Variants in CRPPA observed in about 807,000 individuals in gnomAD.
CRPPA encodes CDP-L-ribitol pyrophosphorylase A.
CRPPA carries 43 observed loss-of-function variants against 52.0 expected under a neutral mutation model. The observed-to-expected ratio is 0.83, with a 90% confidence interval of 0.65 to 1.07. CRPPA has a LOEUF of 1.07. Ranked by LOEUF, CRPPA falls within the 50% of genes least tolerant of loss-of-function variation. CRPPA has a pLI of 0.00. For synonymous variants in CRPPA, 250 were observed against 203.5 expected (o/e 1.23, Z -1.94); for missense variants, 629 against 551.7 (o/e 1.14, Z -1.40).
chr7:16,095,986 G>C (rs1781928155), intron 9 of CRPPA, among the ~76,000 whole-genome samples: 1 of 152,112 alleles, frequency 6.6e-6, no homozygotes, highest in African/African-American at 2.4e-5. Flanking sequence ...GGTTAAATCT[G>C]AGTCCAGCTA....
chr7:16,309,460 A>C (rs2128424907), intron 3 of CRPPA, among the ~76,000 whole-genome samples: 1 of 152,316 alleles, frequency 6.6e-6, no homozygotes, highest in South Asian at 2.1e-4. Flanking sequence ...TAAAACACTT[A>C]ATTCTATGTG....
At chr7:16,330,623 C>T (rs772326491) in intron 3 of CRPPA, among the ~76,000 whole-genome samples, 8 of 152,208 alleles carry the variant, frequency 5.3e-5, no homozygotes, top group Non-Finnish European at 1.0e-4. Context: ...AAAACCCAGT[C>T]ACAGAGGAGG....
chr7:16,306,811 T>C (rs1784922689), intron 4 of CRPPA, among the ~76,000 whole-genome samples: 2 of 152,130 alleles, frequency 1.3e-5, no homozygotes, highest in African/African-American at 2.4e-5. Flanking sequence ...ATGAATAAAA[T>C]GTTTGCCTGC....
chr7:16,279,269 G>A (rs1784269938), intron 5 of CRPPA, among the ~76,000 whole-genome samples: 1 of 152,076 alleles, frequency 6.6e-6, no homozygotes, highest in African/African-American at 2.4e-5. Flanking sequence ...CAAAGCTAGG[G>A]AGAATAGGTT....
At chr7:16,240,639 C>T (rs1313613620) in intron 8 of CRPPA, among the ~76,000 whole-genome samples, 1 of 151,466 alleles carries the variant, frequency 6.6e-6, no homozygotes, top group Non-Finnish European at 1.5e-5. Flanking sequence ...TGTAAACTAT[C>T]AGGGACCTGA....
chr7:16,387,157 A>G (rs1479576966), intron 2 of CRPPA, among the ~76,000 whole-genome samples: 2 of 148,646 alleles, frequency 1.3e-5, no homozygotes, highest in Non-Finnish European at 3.0e-5. Flanking sequence ...ATAGCAAAAT[A>G]TAAACTAATA....
intron 9 of CRPPA, among the ~76,000 whole-genome samples, chr7:16,186,348 G>T (rs950332868): frequency 3.3e-5 from 5 of 152,102 alleles, no homozygotes; most frequent in African/African-American, 1.2e-4. Context: ...CTTGTAAGAG[G>T]CTAGAGAGCT....
chr7:16,114,161 G>T (rs1782321804), intron 9 of CRPPA, among the ~76,000 whole-genome samples: 1 of 151,656 alleles, frequency 6.6e-6, no homozygotes, highest in Non-Finnish European at 1.5e-5. Context: ...ATAAAAATAG[G>T]ATGTGAAACT....
chr7:16,365,067 A>G (rs1445893417), intron 3 of CRPPA, among the ~76,000 whole-genome samples: 1 of 152,158 alleles, frequency 6.6e-6, no homozygotes, highest in Non-Finnish European at 1.5e-5. Context: ...CCTCCACCAG[A>G]GTGACTAACT....
chr7:16,373,584 A>T (rs2128311565), intron 3 of CRPPA, among the ~76,000 whole-genome samples: 1 of 152,302 alleles, frequency 6.6e-6, no homozygotes. Context: ...CTGGGGAGAG[A>T]TGAAAAACAG....
chr7:16,278,172 T>A lies in CRPPA; in HGVS notation c.890A>T (p.His297Leu). 3 of 1,581,072 alleles carry A rather than the reference T, an allele frequency of 1.9e-6. No homozygotes were observed. Among genetic ancestry groups the A allele is most frequent in the Non-Finnish European group, 2.6e-6 (3 of 1,156,232 alleles). The stretch of plus-strand genomic sequence containing the variant: ...CACTTCTTCAAGAAGATGACCTACA[T>A]GTTTGTTATCTTCTTCTGTATCCAT... The part of the protein sequence containing the change: ...VVMDTEEDNK[H>L]VGHLLEEVLK... Residue 297 changes from histidine to leucine, a missense_variant, in exon 6 of 10, where the codon CAT (histidine) becomes CTT (leucine). His to Leu is a moderately conservative substitution (Grantham distance 99). Coordinates refer to ENST00000407010, the MANE Select transcript of CRPPA (RefSeq NM_001101426.4).
At chr7:16,318,263 G>T (rs1486352946) in intron 3 of CRPPA, among the ~76,000 whole-genome samples, 1 of 152,102 alleles carries the variant, frequency 6.6e-6, no homozygotes, top group Non-Finnish European at 1.5e-5. Flanking sequence ...CCATCCATTA[G>T]ATCTTCTTTA....
chr7:16,284,440 G>T lies in CRPPA; in HGVS notation c.836-6214C>A, dbSNP rs192360909. Among the ~76,000 whole-genome samples, 3 of 152,214 alleles carry T rather than the reference G, an allele frequency of 2.0e-5. No individual in the cohort carries two copies. The East Asian group carries it at 5.8e-4, about 29-fold the overall frequency. The stretch of plus-strand genomic sequence containing the variant: ...CCTAATAGATGACAGAATTATTGCT[G>T]TTATGGACACATACATTCAATAAGA... On this transcript the variant is annotated intron_variant, in intron 5 of 9. Coordinates refer to ENST00000407010, the MANE Select transcript of CRPPA (RefSeq NM_001101426.4).
At chr7:16,295,319 C>A (rs1351913992) in intron 5 of CRPPA, among the ~76,000 whole-genome samples, 1 of 151,786 alleles carries the variant, frequency 6.6e-6, no homozygotes, top group Non-Finnish European at 1.5e-5. Context: ...CTTAAAATAC[C>A]TAACAAATGG....
rs574550748 is a variant in CRPPA at position 16,119,963 on chromosome 7, T to A, written c.1252-28164A>T. 2.6e-5 allele frequency among the ~76,000 whole-genome samples: 4 copies of A among 152,028 alleles called. No individual in the cohort carries two copies. In the South Asian group the frequency reaches 8.3e-4, roughly 32 times the overall value. On this transcript the variant is annotated intron_variant, in intron 9 of 9. Transcript: ENST00000407010. The stretch of plus-strand genomic sequence containing the variant: ...AGAATTCCTAAGGATCACACAGGAG[T>A]GTCTTAAGAATCTTCAGCATTTAGG...
Position 16,406,294 on chromosome 7 carries a change from T to C in CRPPA, c.301A>G (p.Asn101Asp). ...KDIVVAVTGE[N>D]MEVMKSIIQK... is the part of the protein sequence containing the mutation. ...ATAATACTTTTCATTACTTCCATGT[T>C]CTCTCCAGTTACTGCCACAACAATG... The change falls in exon 2 of 10, where the codon AAC becomes GAC. Residue 101 changes from asparagine (N) to aspartate (D), a missense_variant. By Grantham distance (23) the Asn-to-Asp change is conservative. Coordinates refer to ENST00000407010, the MANE Select transcript of CRPPA (RefSeq NM_001101426.4). 6.2e-7 allele frequency: 1 copy of C among 1,613,892 alleles called. No individual in the cohort carries two copies. The highest frequency in any genetic ancestry group is 1.3e-5 in the African/African-American group (1 of 75,040).
chr7:16,396,060 G>T (rs1201316120), intron 2 of CRPPA, among the ~76,000 whole-genome samples: 1 of 152,098 alleles, frequency 6.6e-6, no homozygotes, highest in African/African-American at 2.4e-5. Context: ...AGAACTCACT[G>T]CATTCTCACA....
intron 8 of CRPPA, among the ~76,000 whole-genome samples, chr7:16,246,611 C>T (rs918075211): frequency 5.9e-5 from 9 of 152,196 alleles, no homozygotes; most frequent in South Asian, 2.1e-4. Context: ...TATAAGCTGA[C>T]GAATAAATGT....
At chr7:16,337,820 T>G (rs1785725651) in intron 3 of CRPPA, among the ~76,000 whole-genome samples, 1 of 152,000 alleles carries the variant, frequency 6.6e-6, no homozygotes, top group African/African-American at 2.4e-5. Flanking sequence ...TGAATCTAAA[T>G]AAACCAATAA....
Sources: gnomAD v4.1 joint callset for allele counts (sites outside exome capture counted in the v4.1 genomes callset) on GRCh38, gnomAD v4.1.1 for gene constraint, MANE v1.5 for transcripts, NCBI Gene and HGNC (gene_info 2026-07-23, HGNC 2026-07-21) for gene names.